The following C4orf17 variants were observed in gnomAD, a reference collection of about 807,000 sequenced individuals.
C4orf17 encodes uncharacterized protein C4orf17.
Under a neutral mutation model 32.0 loss-of-function variants are expected in C4orf17, and 25 were observed. That is an observed-to-expected ratio of 0.78 (90% confidence interval 0.57 to 1.09). The LOEUF (loss-of-function observed/expected upper bound fraction) is 1.09. Among genes scored for constraint, C4orf17 ranks in the 50% least tolerant of loss-of-function variants. The pLI is 0.00. For synonymous variants in C4orf17, 149 were observed against 145.8 expected (o/e 1.02, Z -0.16); for missense variants, 420 against 420.0 (o/e 1.00, Z 0.00).
In C4orf17 at chr4:99,539,330, A is replaced by G. The variant is rs751601305; in HGVS notation, c.796A>G (p.Lys266Glu). The change falls in exon 7 of 9, where the codon AAA (lysine) becomes GAA (glutamate). Residue 266 changes from lysine to glutamate, a missense_variant. Coordinates refer to ENST00000326581, the MANE Select transcript of C4orf17 (RefSeq NM_032149.3). ...GCCCCCAAATTTTACTGCAAAATCA[A>G]AAGTGCTGACCAGAGATACAGAAGG... ...KLPPNFTAKS[K>E]VLTRDTEGDQ... 7 of 1,614,082 alleles carry G rather than the reference A, an allele frequency of 4.3e-6. No homozygotes were observed. In the East Asian group the frequency reaches 1.6e-4, roughly 36 times the overall value.
Position 99,540,442 on chromosome 4 carries a change from G to C in C4orf17, c.867G>C (p.Lys289Asn). The change falls in exon 8 of 9, where the codon AAG becomes AAC. Residue 289 changes from lysine (K) to asparagine (N), a missense_variant. Physicochemically the swap from Lys to Asn is moderately conservative, Grantham distance 94. Transcript: ENST00000326581. ...RVSSQGSEEN[K>N]EVPKEAEHKP... is the part of the protein sequence containing the mutation. Reference sequence around the variant, plus strand: ...CAAGTCAAGGATCTGAAGAAAACAAGGAAGTACCAAAAGGTTAAGTACAGT... The same window carrying C: ...CAAGTCAAGGATCTGAAGAAAACAACGAAGTACCAAAAGGTTAAGTACAGT... The C allele has an allele frequency of 1.9e-6, 3 of 1,611,122 alleles. No individual in the cohort carries two copies. The highest frequency in any genetic ancestry group is 1.1e-5 in the South Asian group (1 of 90,886).
chr4:99,514,206 A>C (rs967596610), intron 2 of C4orf17, among the ~76,000 whole-genome samples: 1 of 152,208 alleles, frequency 6.6e-6, no homozygotes, highest in South Asian at 2.1e-4. Flanking sequence ...CAAATAATTC[A>C]TGACTAAGAC....
intron 4 of C4orf17, among the ~76,000 whole-genome samples, chr4:99,525,191 A>G (rs1456112629): frequency 6.6e-6 from 1 of 152,198 alleles, no homozygotes; most frequent in Non-Finnish European, 1.5e-5. Context: ...AATTCCTATG[A>G]GTGAAATAAC....
At chr4:99,518,879 T>C (rs6828637) in intron 2 of C4orf17, among the ~76,000 whole-genome samples, 1,814 of 152,124 alleles carry the variant, frequency 0.012, 40 homozygotes, top group African/African-American at 0.042. Context: ...GGTTTAAATA[T>C]CATTTCAGAG....
chr4:99,520,089 AT>A (rs33976011), intron 2 of C4orf17, among the ~76,000 whole-genome samples: 11,738 of 139,514 alleles, frequency 0.084, 897 homozygotes, highest in African/African-American at 0.22. Flanking sequence ...CCCACATTTA[AT>A]TTTTTTTTTT....
At chr4:99,516,510 T>C (rs1171635360) in intron 2 of C4orf17, among the ~76,000 whole-genome samples, 2 of 152,236 alleles carry the variant, frequency 1.3e-5, no homozygotes, top group Admixed American at 6.5e-5. Context: ...TTATTTGCAA[T>C]GAAAATATAG....
At chr4:99,512,039 T>G (rs1308639187) in intron 1 of C4orf17, among the ~76,000 whole-genome samples, 1 of 152,132 alleles carries the variant, frequency 6.6e-6, no homozygotes, top group Non-Finnish European at 1.5e-5. Flanking sequence ...GATTGCTTTG[T>G]TCTAAAAAGG....
At chr4:99,523,945 G>C (rs1476998865) in intron 3 of C4orf17, among the ~76,000 whole-genome samples, 2 of 149,600 alleles carry the variant, frequency 1.3e-5, no homozygotes, top group Non-Finnish European at 3.0e-5. Flanking sequence ...ACAGAAAACA[G>C]AGAAAAATAT....
At chr4:99,539,032 C>G (rs532880731) in intron 6 of C4orf17, 131 bp from the exon 7 acceptor site, 2 of 838,706 alleles carry the variant, frequency 2.4e-6, no homozygotes, top group East Asian at 4.9e-5. Context: ...AGTCCTTACT[C>G]CCACATAGGT....
rs984806856 is a variant in C4orf17 at position 99,518,503 on chromosome 4, AAAAAAAAAAAAAAAAATAT to A, written c.128-3995_128-3977del. ...GTCTCTTTAAAAAAAAAAAAAAAAA[AAAAAAAAAAAAAAAAATAT>A]ATATATATATATATATATATATAGA... On this transcript the variant is annotated intron_variant, in intron 2 of 8. Transcript: ENST00000326581. 1.0e-4 allele frequency among the ~76,000 whole-genome samples: 7 copies of A among 70,304 alleles called. 2 individuals are homozygous for A. Among genetic ancestry groups the A allele is most frequent in the African/African-American group, 5.8e-4 (7 of 12,134 alleles). The allele number at this position is 70,304 out of a possible 152,430, so 46.1% of individuals were successfully genotyped here. A position where few individuals can be genotyped will look rare whatever the true frequency, so the allele number is the denominator to read the frequency against.
intron 2 of C4orf17, among the ~76,000 whole-genome samples, chr4:99,514,929 G>A (rs1263938916): frequency 1.3e-5 from 2 of 152,142 alleles, no homozygotes; most frequent in Non-Finnish European, 2.9e-5. Context: ...GCCATAAAGA[G>A]GAATGAAATA....
At chr4:99,530,940 C>G (rs1723468207) in intron 5 of C4orf17, among the ~76,000 whole-genome samples, 1 of 151,988 alleles carries the variant, frequency 6.6e-6, no homozygotes, top group South Asian at 2.1e-4. Context: ...CCACTTTGAT[C>G]TTTCTATAAT....
chr4:99,522,357 TTGGTTTATACAA>T (rs200762542), intron 2 of C4orf17, 131 bp from the exon 3 acceptor site: 27,060 of 678,620 alleles, frequency 0.04, 829 homozygotes, highest in African/African-American at 0.16. Flanking sequence ...ATTTTTTTTT[TTGGTTTATACAA>T]TTTGAAGTTC....
chr4:99,513,035 A>C lies in C4orf17; in HGVS notation c.-47A>C. On this transcript the variant is annotated 5_prime_UTR_variant, in exon 2 of 9. Transcript: ENST00000326581. ...GAGGTCAATCAAGTTAGACCCCAAA[A>C]ACTTTTGTGACAACAGTGAAGAGGG... The C allele has an allele frequency of 6.2e-7, 1 of 1,610,222 alleles. No homozygotes were observed. Among genetic ancestry groups the C allele is most frequent in the Non-Finnish European group, 8.5e-7 (1 of 1,177,764 alleles).
intron 7 of C4orf17, among the ~76,000 whole-genome samples, chr4:99,539,679 G>T (rs1723620372): frequency 6.6e-6 from 1 of 152,060 alleles, no homozygotes; most frequent in Non-Finnish European, 1.5e-5. Flanking sequence ...AGATAATAAA[G>T]ATTTTTATAG....
intron 7 of C4orf17, among the ~76,000 whole-genome samples, chr4:99,539,845 C>T (rs1174958749): frequency 6.6e-6 from 1 of 151,508 alleles, no homozygotes; most frequent in Non-Finnish European, 1.5e-5. Flanking sequence ...TGATTTACTC[C>T]TGGGGCCCCC....
intron 1 of C4orf17, among the ~76,000 whole-genome samples, chr4:99,512,272 A>G (rs1384427778): frequency 1.3e-5 from 2 of 152,226 alleles, no homozygotes; most frequent in Non-Finnish European, 2.9e-5. Context: ...TTTCAAAAGC[A>G]TACTATTTTC....
In C4orf17 at chr4:99,522,482, T is replaced by A. The variant is rs1413237733; in HGVS notation, c.128-18T>A. On this transcript the variant is annotated intron_variant, in intron 2 of 8. Transcript: ENST00000326581. Reference sequence around the variant, plus strand: ...TGGTTGCTTGATCTGTCTCTTTTTTTAATCTTTACTCACCTAGGCTTGAAT... The same window carrying A: ...TGGTTGCTTGATCTGTCTCTTTTTTAAATCTTTACTCACCTAGGCTTGAAT... 5.0e-6 allele frequency: 8 copies of A among 1,595,322 alleles called. No individual in the cohort carries two copies. The highest frequency in any genetic ancestry group is 6.9e-6 in the Non-Finnish European group (8 of 1,165,946).
chr4:99,518,589 G>A (rs866151846), intron 2 of C4orf17, among the ~76,000 whole-genome samples: 1,417 of 85,592 alleles, frequency 0.017, 77 homozygotes, highest in African/African-American at 0.068. Flanking sequence ...AGAGAGGGAG[G>A]GAGACAGAGA....
Sources: gnomAD v4.1 joint callset for allele counts (sites outside exome capture counted in the v4.1 genomes callset) on GRCh38, gnomAD v4.1.1 for gene constraint, MANE v1.5 for transcripts, NCBI Gene and HGNC (gene_info 2026-07-23, HGNC 2026-07-21) for gene names.